Variants in UNC5D observed in about 807,000 individuals in gnomAD.
The protein encoded by UNC5D is unc-5 netrin receptor D, also known as netrin receptor UNC5D.
A neutral mutation model predicts 105.4 loss-of-function variants in UNC5D; 39 were observed. That is an observed-to-expected ratio of 0.37 (90% CI 0.29 to 0.48). The LOEUF (loss-of-function observed/expected upper bound fraction) is 0.48, where lower values mean the gene tolerates loss of function less well. Ranked by LOEUF, UNC5D falls within the 20% of genes least tolerant of loss-of-function variation. UNC5D has a pLI of 0.98. For missense variants in UNC5D, 991 were observed against 1,202.4 expected (o/e 0.82, Z 2.60); for synonymous variants, 452 against 450.4 (o/e 1.00, Z -0.04).
chr8:35,458,938 T>C (rs1808684845), intron 1 of UNC5D, among the ~76,000 whole-genome samples: 1 of 152,150 alleles, frequency 6.6e-6, no homozygotes, highest in African/African-American at 2.4e-5. Context: ...AGCTCTGTAG[T>C]GGATGCAGTG....
chr8:35,397,355 G>C (rs1055670676), intron 1 of UNC5D, among the ~76,000 whole-genome samples: 7 of 152,214 alleles, frequency 4.6e-5, no homozygotes, highest in African/African-American at 1.7e-4. Flanking sequence ...ATGCTTAGCA[G>C]GTCTAGGAAT....
intron 1 of UNC5D, among the ~76,000 whole-genome samples, chr8:35,297,197 A>G (rs1807558933): frequency 6.6e-6 from 1 of 152,146 alleles, no homozygotes; most frequent in Admixed American, 6.6e-5. Context: ...CCTCAATCAT[A>G]AGTGTTTTAT....
intron 14 of UNC5D, among the ~76,000 whole-genome samples, chr8:35,764,593 G>T (rs1315694713): frequency 1.3e-5 from 2 of 152,208 alleles, no homozygotes; most frequent in African/African-American, 4.8e-5. Context: ...GGCATTGCAG[G>T]AGGCCCCACA....
In UNC5D at chr8:35,479,851, A is replaced by C. The variant is rs192682360; in HGVS notation, c.104-69441A>C. On this transcript the variant is annotated intron_variant, in intron 1 of 16. Coordinates refer to ENST00000404895, the MANE Select transcript of UNC5D (RefSeq NM_080872.4). ...TGTTCACTACCTTGGTGATGGCATC[A>C]TTTGTACACCAAGCCTCAGTGACAC... Among the ~76,000 whole-genome samples, 5 of 152,298 alleles carry C rather than the reference A, an allele frequency of 3.3e-5. No homozygotes were observed. The East Asian group carries it at 7.7e-4, about 24-fold the overall frequency.
chr8:35,346,375 G>A (rs571920866), intron 1 of UNC5D, among the ~76,000 whole-genome samples: 2 of 152,082 alleles, frequency 1.3e-5, no homozygotes, highest in South Asian at 2.1e-4. Context: ...AAAAACGTTG[G>A]TGATACATGG....
chr8:35,669,800 T>C (rs986153162), intron 4 of UNC5D, among the ~76,000 whole-genome samples: 29 of 152,116 alleles, frequency 1.9e-4, no homozygotes, highest in African/African-American at 7.0e-4. Context: ...AAATCATCCG[T>C]CCCTTATTTA....
intron 1 of UNC5D, among the ~76,000 whole-genome samples, chr8:35,393,056 A>G (rs1336033481): frequency 1.3e-5 from 2 of 150,450 alleles, no homozygotes; most frequent in Non-Finnish European, 3.0e-5. Context: ...AGTTAGTCCC[A>G]TGAGGACCTG....
chr8:35,264,679 G>A (rs924296940), intron 1 of UNC5D, among the ~76,000 whole-genome samples: 77 of 149,602 alleles, frequency 5.1e-4, no homozygotes, highest in African/African-American at 1.8e-3. Flanking sequence ...GCAGTGAGCC[G>A]AGATCATGCC....
At chr8:35,773,676 A>C (rs964327016) in intron 15 of UNC5D, among the ~76,000 whole-genome samples, 1 of 151,986 alleles carries the variant, frequency 6.6e-6, no homozygotes, top group Non-Finnish European at 1.5e-5. Context: ...AGCAAAAACA[A>C]ACAGAAAAAG....
At chr8:35,431,125 A>G (rs1189427728) in intron 1 of UNC5D, among the ~76,000 whole-genome samples, 3 of 152,224 alleles carry the variant, frequency 2.0e-5, no homozygotes, top group South Asian at 2.1e-4. Context: ...AATAAGATAA[A>G]CCAGGAATCT....
intron 11 of UNC5D, among the ~76,000 whole-genome samples, chr8:35,733,971 G>A (rs1322462728): frequency 5.3e-5 from 8 of 151,744 alleles, no homozygotes; most frequent in Admixed American, 5.2e-4. Context: ...GGGTAGAGGG[G>A]TCTAAACCCA....
chr8:35,715,245 G>T (rs12679845), intron 8 of UNC5D, among the ~76,000 whole-genome samples: 12,711 of 152,164 alleles, frequency 0.084, 1,164 homozygotes, highest in African/African-American at 0.22. Context: ...GAAAGTATAG[G>T]AAAGGAAATA....
chr8:35,246,976 A>G (rs369771268), intron 1 of UNC5D, among the ~76,000 whole-genome samples: 1 of 152,252 alleles, frequency 6.6e-6, no homozygotes, highest in South Asian at 2.1e-4. Flanking sequence ...TTTCCAGGCC[A>G]AAGTCCAAAT....
At chr8:35,588,079 A>G (rs901632377) in intron 3 of UNC5D, among the ~76,000 whole-genome samples, 8 of 150,618 alleles carry the variant, frequency 5.3e-5, no homozygotes, top group African/African-American at 2.0e-4. Context: ...ATGCATATGT[A>G]TGCAATTTGG....
At chr8:35,370,798 T>C (rs76369411) in intron 1 of UNC5D, among the ~76,000 whole-genome samples, 1,707 of 152,342 alleles carry the variant, frequency 0.011, 34 homozygotes, top group African/African-American at 0.04. Context: ...GCTGAATAAA[T>C]GTAATCACTA....
At chr8:35,308,230 G>A (rs984867125) in intron 1 of UNC5D, among the ~76,000 whole-genome samples, 1 of 151,792 alleles carries the variant, frequency 6.6e-6, no homozygotes, top group African/African-American at 2.4e-5. Flanking sequence ...CTGTCAAGGA[G>A]GTATTCTGTC....
rs72634935 is a variant in UNC5D at position 35,514,730 on chromosome 8, G to A, written c.104-34562G>A. On this transcript the variant is annotated intron_variant, in intron 1 of 16. Coordinates refer to ENST00000404895, the MANE Select transcript of UNC5D (RefSeq NM_080872.4). ...AATCAACATTTTAAAATTCACATAA[G>A]CAGGAGTTAGTTTACAGTTGGAGAC... Among the ~76,000 whole-genome samples the A allele has an allele frequency of 5.5e-3, 837 of 152,278 alleles. 5 individuals are homozygous for A. The highest frequency in any genetic ancestry group is 7.5e-3 in the Non-Finnish European group (508 of 68,024).
At chr8:35,452,173 G>C (rs1808194889) in intron 1 of UNC5D, among the ~76,000 whole-genome samples, 1 of 152,186 alleles carries the variant, frequency 6.6e-6, no homozygotes, top group Non-Finnish European at 1.5e-5. Context: ...TGAATCACAA[G>C]TGAACCATAC....
chr8:35,281,629 T>A (rs1806174309), intron 1 of UNC5D, among the ~76,000 whole-genome samples: 1 of 152,038 alleles, frequency 6.6e-6, no homozygotes, highest in Admixed American at 6.6e-5. Flanking sequence ...AGGTTAGCAT[T>A]GCTATGCTAC....
Sources: gnomAD v4.1 joint callset for allele counts (sites outside exome capture counted in the v4.1 genomes callset) on GRCh38, gnomAD v4.1.1 for gene constraint, MANE v1.5 for transcripts, NCBI Gene and HGNC (gene_info 2026-07-23, HGNC 2026-07-21) for gene names.